Variants in TANC1 observed in about 807,000 individuals in gnomAD.
The protein encoded by TANC1 is tetratricopeptide repeat, ankyrin repeat and coiled-coil containing 1, also known as protein TANC1.
In TANC1, 77 loss-of-function variants were observed where a neutral mutation model predicts 149.7. The ratio of observed to expected loss-of-function variants is 0.51; its 90% CI spans 0.43 to 0.62. The LOEUF (loss-of-function observed/expected upper bound fraction) is 0.62. TANC1 is among the 20% of genes least tolerant of loss of function. The probability of loss-of-function intolerance (pLI) is 0.00; values close to 1 mark genes in which losing one functional copy is unlikely to be tolerated. For missense variants in TANC1, 1,985 were observed against 2,321.8 expected, an observed-to-expected ratio of 0.85 and a Z score of 2.98; for synonymous variants, 854 against 925.0, an observed-to-expected ratio of 0.92 and a Z score of 1.39.
chr2:159,003,813 A>T (rs1226809571), intron 2 of TANC1, among the ~76,000 whole-genome samples: 1 of 152,100 alleles, frequency 6.6e-6, no homozygotes, highest in Admixed American at 6.5e-5. Flanking sequence ...CTGGTGTTGG[A>T]GGACCCTCCC....
intron 11 of TANC1, among the ~76,000 whole-genome samples, chr2:159,173,385 T>C (rs1230302616): frequency 6.6e-6 from 1 of 152,162 alleles, no homozygotes; most frequent in African/African-American, 2.4e-5. Context: ...TACAGATCAC[T>C]CCAGTGGTCA....
chr2:159,201,904 T>A (rs2058273847), intron 19 of TANC1, among the ~76,000 whole-genome samples: 3 of 152,176 alleles, frequency 2.0e-5, no homozygotes, highest in Non-Finnish European at 4.4e-5. Context: ...CAGCCTGTGG[T>A]TTTCCTGCAG....
chr2:159,220,925 G>T (rs1362704377), intron 22 of TANC1, among the ~76,000 whole-genome samples: 1 of 152,104 alleles, frequency 6.6e-6, no homozygotes, highest in East Asian at 1.9e-4. Context: ...ATATTTATGG[G>T]GTACAGTGAT....
At chr2:158,972,993 G>A (rs1409967718) in intron 1 of TANC1, among the ~76,000 whole-genome samples, 1 of 152,176 alleles carries the variant, frequency 6.6e-6, no homozygotes, top group Non-Finnish European at 1.5e-5. Flanking sequence ...TCCTGGTTTG[G>A]TTTAGCTGTG....
At chr2:159,014,958 C>T (rs556935748) in intron 2 of TANC1, among the ~76,000 whole-genome samples, 12 of 152,298 alleles carry the variant, frequency 7.9e-5, no homozygotes, top group Non-Finnish European at 1.0e-4. Context: ...GGATTTTCCA[C>T]GCGCACAGTG....
intron 2 of TANC1, among the ~76,000 whole-genome samples, chr2:159,062,359 T>C (rs1038927895): frequency 2.0e-5 from 3 of 152,232 alleles, no homozygotes; most frequent in African/African-American, 7.2e-5. Context: ...CCATACAGTA[T>C]GTTGGGCTTG....
intron 8 of TANC1, among the ~76,000 whole-genome samples, chr2:159,164,270 C>T (rs1018569118): frequency 2.0e-5 from 3 of 151,690 alleles, no homozygotes; most frequent in Non-Finnish European, 2.9e-5. Context: ...GGAAAAAAAT[C>T]GATAAAAAAT....
chr2:159,220,620 C>T (rs113166927), intron 22 of TANC1, among the ~76,000 whole-genome samples: 15,138 of 137,224 alleles, frequency 0.11, 1,026 homozygotes, highest in Non-Finnish European at 0.16. Context: ...ATTTTTGAGA[C>T]ACAGTCTTGC....
rs551596028 is a variant in TANC1 at position 159,113,163 on chromosome 2, G to A, written c.259+15329G>A. Among the ~76,000 whole-genome samples the A allele has an allele frequency of 1.1e-4, 16 of 151,964 alleles. 1 individual carries two copies. In the South Asian group the frequency reaches 3.3e-3, roughly 32 times the overall value. On this transcript the variant is annotated intron_variant, in intron 4 of 26. Transcript: ENST00000263635. Reference sequence around the variant, plus strand: ...TCACCCTGTTGCCTTCAGCCATATTGCCCAGGCTGGTCTTGAACTCCTGGA... The same window carrying A: ...TCACCCTGTTGCCTTCAGCCATATTACCCAGGCTGGTCTTGAACTCCTGGA...
chr2:159,146,821 G>A (rs1212268105), intron 5 of TANC1, among the ~76,000 whole-genome samples: 1 of 152,026 alleles, frequency 6.6e-6, no homozygotes, highest in Non-Finnish European at 1.5e-5. Flanking sequence ...GATTACAGGC[G>A]TGAGCCACCG....
At chr2:159,115,260 C>T (rs1007039424) in intron 4 of TANC1, among the ~76,000 whole-genome samples, 2 of 151,544 alleles carry the variant, frequency 1.3e-5, no homozygotes, top group African/African-American at 4.9e-5. Context: ...GCAGTGATGT[C>T]CTATGACAGA....
Position 159,178,962 on chromosome 2 carries a change from A to T in TANC1, c.2309A>T (p.Asp770Val). The change falls in exon 14 of 27, where the codon GAC becomes GTC. Residue 770 changes from aspartate to valine, a missense_variant. Coordinates refer to ENST00000263635, the MANE Select transcript of TANC1 (RefSeq NM_033394.3). ...VALASLHPMT[D>V]EQIFQAINAG... The stretch of plus-strand genomic sequence containing the variant: ...CTCGCATCCCTCCACCCCATGACAG[A>T]CGAGCAGATCTTTCAGGCTATTAAT... 1 of 1,614,118 alleles carries T rather than the reference A, an allele frequency of 6.2e-7. No individual in the cohort carries two copies. The highest frequency in any genetic ancestry group is 2.2e-5 in the East Asian group (1 of 44,878).
At chr2:159,217,280 C>G (rs189276948) in intron 19 of TANC1, among the ~76,000 whole-genome samples, 105 of 152,260 alleles carry the variant, frequency 6.9e-4, no homozygotes, top group African/African-American at 2.4e-3. Flanking sequence ...CAAGGAAGTG[C>G]AAGCAGCCCA....
intron 19 of TANC1, among the ~76,000 whole-genome samples, chr2:159,213,953 C>T (rs1013299842): frequency 2.0e-5 from 3 of 151,804 alleles, no homozygotes; most frequent in African/African-American, 7.3e-5. Context: ...TGGTGAAACC[C>T]CATCTCTACT....
Position 159,196,800 on chromosome 2 carries a change from G to T in TANC1, c.3165+7G>T. ...CAGCATGGGCCACAGCTCGGTGAGTGGGGCAGGGGTTTCCCTCCTGGGAAA... is the reference window on the plus strand; with the variant it reads ...CAGCATGGGCCACAGCTCGGTGAGTTGGGCAGGGGTTTCCCTCCTGGGAAA... On this transcript the variant is annotated splice_region_variant and intron_variant, in intron 18 of 26. Coordinates refer to ENST00000263635, the MANE Select transcript of TANC1 (RefSeq NM_033394.3). 1 of 1,602,082 alleles carries T rather than the reference G, an allele frequency of 6.2e-7. No homozygotes were observed. Among genetic ancestry groups the T allele is most frequent in the Non-Finnish European group, 8.5e-7 (1 of 1,176,334 alleles).
Position 159,185,836 on chromosome 2 carries a change from C to T in TANC1, c.2556C>T (p.Gly852=). The change falls in exon 15 of 27, where the codon GGC becomes GGT. Residue 852 remains glycine (G), a synonymous_variant. Transcript: ENST00000263635. ...LLAFMFSRQE[G]KLNRQQTMEL... ...CATTCATGTTCTCGCGTCAGGAGGG[C>T]AAGTTGAACCGCCAGCAGACCATGG... The T allele has an allele frequency of 6.2e-7, 1 of 1,614,124 alleles. No homozygotes were observed. The highest frequency in any genetic ancestry group is 8.5e-7 in the Non-Finnish European group (1 of 1,180,034).
At position 159,231,810 on chromosome 2, in the gene TANC1, C is replaced by G. The variant is rs1045785868; in HGVS notation, c.*798C>G. The G allele has an allele frequency of 5.3e-5, 8 of 152,132 alleles. No homozygotes were observed. The highest frequency in any genetic ancestry group is 1.9e-4 in the African/African-American group (8 of 41,422). The allele number at this position is 152,132 out of a possible 1,614,324, so 9.4% of individuals were successfully genotyped here. A position where few individuals can be genotyped will look rare whatever the true frequency, so the allele number is the denominator to read the frequency against. ...TATAAATTAGCTCTCACCTGGTTTC[C>G]AAACTGCTTTTAACAATGGTAGTGC... On this transcript the variant is annotated 3_prime_UTR_variant, in exon 27 of 27. Coordinates refer to ENST00000263635, the MANE Select transcript of TANC1 (RefSeq NM_033394.3).
chr2:159,064,237 CTA>C (rs1046868993), intron 2 of TANC1, among the ~76,000 whole-genome samples: 8 of 152,228 alleles, frequency 5.3e-5, no homozygotes, highest in African/African-American at 1.7e-4. Flanking sequence ...CATATGGAAA[CTA>C]TTGCTGCCTT....
intron 1 of TANC1, among the ~76,000 whole-genome samples, chr2:158,976,292 A>C (rs1237318265): frequency 6.6e-6 from 1 of 152,226 alleles, no homozygotes; most frequent in South Asian, 2.1e-4. Flanking sequence ...TCTTTTATCA[A>C]CTTACATTAT....
Sources: allele counts gnomAD v4.1 joint callset (sites outside exome capture counted in the v4.1 genomes callset), GRCh38; gene constraint gnomAD v4.1.1; transcripts MANE v1.5; gene names NCBI Gene and HGNC (gene_info 2026-07-23, HGNC 2026-07-21).